Variants in ANKIB1 observed in about 807,000 individuals in gnomAD.
ANKIB1 encodes the protein ankyrin repeat and IBR domain-containing protein 1.
Under a neutral mutation model 122.1 loss-of-function variants are expected in ANKIB1, and 43 were observed. That is an observed-to-expected ratio of 0.35 (90% CI 0.28 to 0.45). The LOEUF is 0.45. Among genes scored for constraint, ANKIB1 ranks in the 20% least tolerant of loss-of-function variants. The pLI, the probability that ANKIB1 is intolerant of heterozygous loss-of-function variation, is 1.00. For missense variants in ANKIB1, 992 were observed against 1,329.5 expected (o/e 0.75, Z 3.95); for synonymous variants, 390 against 442.0 (o/e 0.88, Z 1.48).
Position 92,399,475 on chromosome 7 carries a change from C to G in ANKIB1, c.*526C>G, listed in dbSNP as rs1804971359. 1 of 152,098 alleles carries G rather than the reference C, an allele frequency of 6.6e-6. No homozygotes were observed. Among genetic ancestry groups the G allele is most frequent in the African/African-American group, 2.4e-5 (1 of 41,390 alleles). 9.4% of individuals were successfully genotyped at this position (152,098 alleles called of 1,614,324 possible). A position where few individuals can be genotyped will look rare whatever the true frequency, so the allele number is the denominator to read the frequency against. ...ATGTGAATTGAAGTCTCTTTAGTAC[C>G]ACATCTACCATAGTGTAATTAGTTT... is the stretch of plus-strand genomic sequence containing the variant. On this transcript the variant is annotated 3_prime_UTR_variant, in exon 20 of 20. Transcript: ENST00000265742.
At chr7:92,326,625 A>T (rs1803032924) in intron 4 of ANKIB1, among the ~76,000 whole-genome samples, 1 of 152,208 alleles carries the variant, frequency 6.6e-6, no homozygotes, top group Non-Finnish European at 1.5e-5. Flanking sequence ...AGTAGTACTA[A>T]TTTAACCATT....
intron 4 of ANKIB1, among the ~76,000 whole-genome samples, chr7:92,320,391 A>G (rs1286433008): frequency 6.6e-6 from 1 of 152,136 alleles, no homozygotes; most frequent in Non-Finnish European, 1.5e-5. Flanking sequence ...TTCTGCCCTC[A>G]TCTTACTTGA....
intron 1 of ANKIB1, among the ~76,000 whole-genome samples, chr7:92,286,660 G>T (rs1041457570): frequency 2.6e-5 from 4 of 151,990 alleles, no homozygotes; most frequent in African/African-American, 9.7e-5. Context: ...TGTATTTTTA[G>T]TAGAGATGGG....
intron 1 of ANKIB1, among the ~76,000 whole-genome samples, chr7:92,288,803 C>G (rs1469926204): frequency 1.3e-5 from 2 of 151,830 alleles, no homozygotes; most frequent in Middle Eastern, 6.8e-3. Flanking sequence ...AAATGAAAAC[C>G]GTTGTACAAT....
intron 1 of ANKIB1, among the ~76,000 whole-genome samples, chr7:92,257,204 G>A (rs1204853936): frequency 2.0e-5 from 3 of 150,640 alleles, no homozygotes; most frequent in Non-Finnish European, 4.4e-5. Context: ...AAAAAAAAAA[G>A]AGAGAAAAAA....
chr7:92,331,304 T>C (rs1803167692), intron 5 of ANKIB1, among the ~76,000 whole-genome samples: 2 of 151,166 alleles, frequency 1.3e-5, no homozygotes, highest in African/African-American at 4.9e-5. Flanking sequence ...TCTAACTCTG[T>C]CAACCCAGGC....
intron 10 of ANKIB1, among the ~76,000 whole-genome samples, chr7:92,368,607 A>G (rs1046120454): frequency 6.6e-6 from 1 of 151,870 alleles, no homozygotes; most frequent in African/African-American, 2.4e-5. Flanking sequence ...TGTAGTCCCA[A>G]CTACTTGGGA....
chr7:92,339,922 G>A (rs752324003), intron 5 of ANKIB1, among the ~76,000 whole-genome samples: 2 of 141,710 alleles, frequency 1.4e-5, no homozygotes, highest in Admixed American at 1.4e-4. Context: ...TTGGTTGGTT[G>A]TAGGGTTTTT....
intron 15 of ANKIB1, 110 bp from the exon 16 acceptor site, chr7:92,391,056 T>G: frequency 1.2e-6 from 1 of 859,654 alleles, no homozygotes; most frequent in South Asian, 4.1e-5. Context: ...TTTTAACTAG[T>G]TTCTTACTTC....
chr7:92,267,831 C>T (rs1049770331), intron 1 of ANKIB1, among the ~76,000 whole-genome samples: 1 of 151,762 alleles, frequency 6.6e-6, no homozygotes, highest in African/African-American at 2.4e-5. Context: ...TGATCTAGGC[C>T]CTTTATCATT....
chr7:92,328,671 A>G (rs1013428550), intron 5 of ANKIB1, among the ~76,000 whole-genome samples: 2 of 152,020 alleles, frequency 1.3e-5, no homozygotes, highest in African/African-American at 2.4e-5. Context: ...TAAAAACTAA[A>G]AACACATTTA....
chr7:92,309,420 G>A (rs1802638694), intron 3 of ANKIB1, among the ~76,000 whole-genome samples: 1 of 152,092 alleles, frequency 6.6e-6, no homozygotes, highest in African/African-American at 2.4e-5. Context: ...TCACTGTGGT[G>A]GAAGAATCTC....
intron 11 of ANKIB1, among the ~76,000 whole-genome samples, 188 bp downstream of exon 11, chr7:92,371,795 C>A (rs1311828727): frequency 6.6e-6 from 1 of 151,994 alleles, no homozygotes; most frequent in East Asian, 1.9e-4. Flanking sequence ...CTGGGCAAAA[C>A]ACCAAAACCC....
At chr7:92,295,557 G>A (rs1802337679) in intron 2 of ANKIB1, among the ~76,000 whole-genome samples, 1 of 152,064 alleles carries the variant, frequency 6.6e-6, no homozygotes, top group Non-Finnish European at 1.5e-5. Context: ...GTACTTGTCA[G>A]CTGTCAAAAA....
At chr7:92,284,264 C>T (rs1474693410) in intron 1 of ANKIB1, among the ~76,000 whole-genome samples, 1 of 152,070 alleles carries the variant, frequency 6.6e-6, no homozygotes, top group East Asian at 1.9e-4. Flanking sequence ...GAGGCATGTA[C>T]TGGGGAGTCA....
At chr7:92,284,804 T>C (rs550005737) in intron 1 of ANKIB1, among the ~76,000 whole-genome samples, 41 of 152,358 alleles carry the variant, frequency 2.7e-4, no homozygotes, top group African/African-American at 9.9e-4. Context: ...ATTAGATGTT[T>C]GGTACCCAAA....
chr7:92,284,844 G>A lies in ANKIB1; in HGVS notation c.-90-10045G>A, dbSNP rs146680196. On this transcript the variant is annotated intron_variant, in intron 1 of 19. Coordinates refer to ENST00000265742, the MANE Select transcript of ANKIB1 (RefSeq NM_019004.2). ...TAGTGAATAGCATTGATTTTTCTTG[G>A]AATGGCCTTTCTATTCATTTTCCAG... Among the ~76,000 whole-genome samples the A allele has an allele frequency of 1.6e-3, 248 of 152,282 alleles. 1 individual carries two copies. Among genetic ancestry groups the A allele is most frequent in the African/African-American group, 5.5e-3 (230 of 41,558 alleles).
chr7:92,264,233 G>A (rs1585077524), intron 1 of ANKIB1, among the ~76,000 whole-genome samples: 1 of 150,082 alleles, frequency 6.7e-6, no homozygotes, highest in African/African-American at 2.4e-5. Context: ...TTGTAGCAGA[G>A]GGAAAACCTA....
chr7:92,398,762 G>A lies in ANKIB1; in HGVS notation c.3083G>A (p.Ser1028Asn). The A allele has an allele frequency of 6.2e-7, 1 of 1,613,516 alleles. No individual in the cohort carries two copies. The highest frequency in any genetic ancestry group is 8.5e-7 in the Non-Finnish European group (1 of 1,179,698). Residue 1028 changes from serine (S) to asparagine (N), a missense_variant, in exon 20 of 20, where the codon AGT becomes AAT. Transcript: ENST00000265742. ...GAAGATTCAATGTTTGAAGATGCCAGTGTCAGTGAAGGTAGAGGAACCCAG... is the reference window on the plus strand; with the variant it reads ...GAAGATTCAATGTTTGAAGATGCCAATGTCAGTGAAGGTAGAGGAACCCAG... ...LPEDSMFEDA[S>N]VSEGRGTQIE...
Sources: gnomAD v4.1 joint callset for allele counts (sites outside exome capture counted in the v4.1 genomes callset) on GRCh38, gnomAD v4.1.1 for gene constraint, MANE v1.5 for transcripts, NCBI Gene and HGNC (gene_info 2026-07-23, HGNC 2026-07-21) for gene names.